The following RBSN variants were observed in gnomAD, a reference collection of about 807,000 sequenced individuals.
RBSN encodes the protein rabenosyn, RAB effector.
In RBSN, 34 loss-of-function variants were observed where a neutral mutation model predicts 60.5. That is an observed-to-expected ratio of 0.56 (90% CI 0.43 to 0.75). The LOEUF is 0.75. Among genes scored for constraint, RBSN ranks in the 30% least tolerant of loss-of-function variants. RBSN has a pLI of 0.00. For synonymous variants in RBSN, 322 were observed against 366.9 expected (o/e 0.88, Z 1.40); for missense variants, 845 against 986.8 (o/e 0.86, Z 1.92).
rs1410261760 is a variant in RBSN at position 15,072,433 on chromosome 3, C to T, written c.*1349G>A. The T allele has an allele frequency of 2.0e-5, 3 of 152,132 alleles. No individual in the cohort carries two copies. Among genetic ancestry groups the T allele is most frequent in the Admixed American group, 6.5e-5 (1 of 15,276 alleles). The allele number at this position is 152,132 out of a possible 1,614,324, so 9.4% of individuals were successfully genotyped here. On this transcript the variant is annotated 3_prime_UTR_variant, in exon 14 of 14. Coordinates refer to ENST00000253699, the MANE Select transcript of RBSN (RefSeq NM_022340.4). ...CTCATCAGTGCCCCAAGTCAGGACA[C>T]AATGAACCAAAAAGGAAGAAGGCTG... is the stretch of plus-strand genomic sequence containing the variant.
At chr3:15,078,779 CATATATATATATATATAT>C (rs57572763) in intron 10 of RBSN, among the ~76,000 whole-genome samples, 522 of 50,678 alleles carry the variant, frequency 0.01, 8 homozygotes, top group Middle Eastern at 0.079. Flanking sequence ...AAAAAAAATA[CATATATATATATATATAT>C]ATATATATAT....
chr3:15,073,579 C>A lies in RBSN; in HGVS notation c.*203G>T, dbSNP rs750968806. 3.9e-6 allele frequency: 2 copies of A among 514,850 alleles called. No homozygotes were observed. Among genetic ancestry groups the A allele is most frequent in the Non-Finnish European group, 3.4e-6 (1 of 295,682 alleles). 31.9% of individuals were successfully genotyped at this position (514,850 alleles called of 1,614,324 possible). On this transcript the variant is annotated 3_prime_UTR_variant, in exon 14 of 14. Coordinates refer to ENST00000253699, the MANE Select transcript of RBSN (RefSeq NM_022340.4). ...AAGCAGCAACTGAATGCTGATTCTC[C>A]CTGTTCTAGTTTCTATTTTATTATT... is the stretch of plus-strand genomic sequence containing the variant.
At chr3:15,075,422 G>A in intron 13 of RBSN, 184 bp downstream of exon 13, 1 of 697,858 alleles carries the variant, frequency 1.4e-6, no homozygotes, top group Non-Finnish European at 2.6e-6. Flanking sequence ...TAGGCCCTGG[G>A]GAGAAAAACA....
intron 4 of RBSN, chr3:15,091,581 C>T (rs9869512): frequency 0.31 from 317,409 of 1,028,404 alleles, 49,757 homozygotes; most frequent in Middle Eastern, 0.32. Context: ...CCAGGTACAA[C>T]GCAAAGTGCT....
chr3:15,075,064 C>A, intron 13 of RBSN, 134 bp from the exon 14 acceptor site: 1 of 1,075,186 alleles, frequency 9.3e-7, no homozygotes, highest in Non-Finnish European at 1.3e-6. Context: ...CAAAGATATC[C>A]AACTGCTAAA....
rs544476958 is a variant in RBSN at position 15,074,555 on chromosome 3, G to T, written c.1582C>A (p.Arg528=). 6.2e-7 allele frequency: 1 copy of T among 1,614,050 alleles called. No homozygotes were observed. The highest frequency in any genetic ancestry group is 1.7e-5 in the Admixed American group (1 of 60,002). ...QREQLQMLRE[R]ELEREREQFR... ...TGCTCCCTTTCTCGTTCCAACTCCC[G>T]TTCACGCAACATCTGCAGCTGTTCC... Residue 528 remains arginine, a synonymous_variant, in exon 14 of 14, where the codon CGG becomes AGG. Transcript: ENST00000253699. This position sits in a 1 kb window ranked among gnomAD's most constrained non-coding sequence, Gnocchi z 6.4.
rs1220907577 is a variant in RBSN at position 15,096,192 on chromosome 3, C to T, written c.-72G>A. The T allele has an allele frequency of 8.1e-6, 12 of 1,480,960 alleles. No individual in the cohort carries two copies. The highest frequency in any genetic ancestry group is 9.0e-6 in the Non-Finnish European group (10 of 1,113,990). 91.7% of individuals were successfully genotyped at this position (1,480,960 alleles called of 1,614,324 possible). A position where few individuals can be genotyped will look rare whatever the true frequency, so the allele number is the denominator to read the frequency against. ...AGTCAGCTTGATTCCTCCCAAGGAA[C>T]CATGGTTCCCGCAGCATTAGCTTAA... On this transcript the variant is annotated 5_prime_UTR_variant, in exon 4 of 14. The change creates a premature stop within an existing upstream ORF in the 5' untranslated region. Coordinates refer to ENST00000253699, the MANE Select transcript of RBSN (RefSeq NM_022340.4).
chr3:15,071,878 A>T lies in RBSN; in HGVS notation c.*1904T>A, dbSNP rs1399757246. 1.3e-5 allele frequency: 2 copies of T among 152,666 alleles called. No homozygotes were observed. Among genetic ancestry groups the T allele is most frequent in the African/African-American group, 2.4e-5 (1 of 41,454 alleles). The allele number at this position is 152,666 out of a possible 1,614,324, so 9.5% of individuals were successfully genotyped here. On this transcript the variant is annotated 3_prime_UTR_variant, in exon 14 of 14. Transcript: ENST00000253699. Reference sequence around the variant, plus strand: ...TTATTGTTCATTAGTTCAGATGAGTAACTGCAGAAACTCTACCCAGAGCTG... The same window carrying T: ...TTATTGTTCATTAGTTCAGATGAGTTACTGCAGAAACTCTACCCAGAGCTG...
intron 13 of RBSN, 170 bp downstream of exon 13, chr3:15,075,435 TA>T: frequency 1.4e-6 from 1 of 711,814 alleles, no homozygotes; most frequent in Non-Finnish European, 2.6e-6. Flanking sequence ...GAAAAACAAT[TA>T]TTCTAGTTCC....
chr3:15,075,576 A>C, intron 13 of RBSN, 30 bp downstream of exon 13: 1 of 1,592,266 alleles, frequency 6.3e-7, no homozygotes, highest in Non-Finnish European at 8.6e-7. Flanking sequence ...CACAGGAGGA[A>C]GCAGGCCCCA....
intron 2 of RBSN, among the ~76,000 whole-genome samples, chr3:15,097,120 C>A (rs182890294): frequency 2.2e-4 from 34 of 152,164 alleles, no homozygotes; most frequent in African/African-American, 2.7e-4. Flanking sequence ...TGAGCCCCCC[C>A]AAACTGCTGA....
intron 2 of RBSN, among the ~76,000 whole-genome samples, chr3:15,097,038 T>C (rs1241035264): frequency 6.6e-6 from 1 of 152,108 alleles, no homozygotes; most frequent in Non-Finnish European, 1.5e-5. Flanking sequence ...TTTTAAATTA[T>C]TTATAGAGAC....
chr3:15,085,037 T>C lies in RBSN; in HGVS notation c.399A>G (p.Ala133=). 6.2e-7 allele frequency: 1 copy of C among 1,614,248 alleles called. No individual in the cohort carries two copies. The highest frequency in any genetic ancestry group is 8.5e-7 in the Non-Finnish European group (1 of 1,180,046). ...KLIIRLEKLT[A]FDRTNTESAK... ...CAGACTCAGTATTTGTTCTGTCAAATGCAGTGAGCTGACCGGAAGAAAATA... is the reference window on the plus strand; with the variant it reads ...CAGACTCAGTATTTGTTCTGTCAAACGCAGTGAGCTGACCGGAAGAAAATA... The change falls in exon 7 of 14, where the codon GCA becomes GCG. Residue 133 remains alanine (A), a synonymous_variant. Transcript: ENST00000253699.
At position 15,082,390 on chromosome 3, in the gene RBSN, G is replaced by C. The variant is rs150517956; in HGVS notation, c.817C>G (p.Pro273Ala). Reference protein sequence around the residue: ...EQQIDEKEHTPDIVKLYEKLR... With the variant: ...EQQIDEKEHTADIVKLYEKLR... ...ACCTCGTAGAGCTTCACGATGTCAGGTGTGTGCTCCTTCTCATCAATCTGC... is the reference window on the plus strand; with the variant it reads ...ACCTCGTAGAGCTTCACGATGTCAGCTGTGTGCTCCTTCTCATCAATCTGC... Residue 273 changes from proline (P) to alanine (A), a missense_variant, in exon 9 of 14, where the codon CCT becomes GCT. Coordinates refer to ENST00000253699, the MANE Select transcript of RBSN (RefSeq NM_022340.4). The surrounding 1 kb of genome is among the most constrained non-coding windows in gnomAD (Gnocchi z 4.2). 1.9e-6 allele frequency: 3 copies of C among 1,613,736 alleles called. No homozygotes were observed. The highest frequency in any genetic ancestry group is 2.5e-6 in the Non-Finnish European group (3 of 1,179,626).
At chr3:15,091,323 A>T in intron 4 of RBSN, 3 of 1,039,498 alleles carry the variant, frequency 2.9e-6, no homozygotes, top group Non-Finnish European at 3.5e-6. Context: ...CTCATGAGTA[A>T]ATTCTTCTCA....
At chr3:15,092,704 C>T (rs902919059) in intron 4 of RBSN, among the ~76,000 whole-genome samples, 1 of 152,100 alleles carries the variant, frequency 6.6e-6, no homozygotes, top group African/African-American at 2.4e-5. Flanking sequence ...GAGCCACTGT[C>T]CCTGGCCTAA....
At chr3:15,081,149 A>C (rs1157461700) in intron 9 of RBSN, 3 of 189,422 alleles carry the variant, frequency 1.6e-5, no homozygotes, top group African/African-American at 4.7e-5. Flanking sequence ...GAGTAGCTGG[A>C]ATTACAGGCA....
intron 4 of RBSN, chr3:15,091,614 A>C: frequency 3.5e-6 from 2 of 579,252 alleles, no homozygotes; most frequent in Non-Finnish European, 4.9e-6. Flanking sequence ...ATGCCAGTTC[A>C]TGCTTACAAT....
At chr3:15,075,736 C>T (rs370456404) in intron 12 of RBSN, 26 bp from the exon 13 acceptor site, 100 of 1,584,078 alleles carry the variant, frequency 6.3e-5, no homozygotes, top group Admixed American at 1.3e-4. Context: ...GACAATTTTA[C>T]ACTTAAACCC....
Sources: gnomAD v4.1 joint callset for allele counts (sites outside exome capture counted in the v4.1 genomes callset) on GRCh38, gnomAD v4.1.1 for gene constraint, Gnocchi (gnomAD v3.1) non-coding constraint, MANE v1.5 for transcripts, NCBI Gene and HGNC (gene_info 2026-07-23, HGNC 2026-07-21) for gene names.